Variants in PACRGL observed in about 807,000 individuals in gnomAD.
PACRGL encodes PACRG-like protein.
PACRGL carries 38 observed loss-of-function variants against 34.5 expected under a neutral mutation model. The ratio of observed to expected loss-of-function variants is 1.10; its 90% CI spans 0.85 to 1.44. The LOEUF (loss-of-function observed/expected upper bound fraction) is 1.44. Ranked by LOEUF, PACRGL falls within the 40% of genes most tolerant of loss-of-function variation. PACRGL has a pLI of 0.00. For missense variants in PACRGL, 305 were observed against 281.4 expected (o/e 1.08, Z -0.60); for synonymous variants, 128 against 100.1 (o/e 1.28, Z -1.66).
At chr4:20,755,793 T>G (rs1754366834), downstream of PACRGL, among the ~76,000 whole-genome samples, 1 of 151,980 alleles carries the variant, frequency 6.6e-6, no homozygotes, top group African/African-American at 2.4e-5. Context: ...AGAAGATAAT[T>G]TCAGGCAGAG....
chr4:20,728,895 G>GCAA lies in PACRGL; in HGVS notation c.*1556_*1558dup. Reference sequence around the variant, plus strand: ...CGATGTGTGTGGCTTTAGTAATGTGGCAACTTTACAGTTTTGGCTAAGATG... The same window carrying GCAA: ...CGATGTGTGTGGCTTTAGTAATGTGGCAACAACTTTACAGTTTTGGCTAAGATG... On this transcript the variant is annotated 3_prime_UTR_variant, in exon 9 of 9. Coordinates refer to ENST00000503585, the MANE Select transcript of PACRGL (RefSeq NM_001258345.3). The GCAA allele has an allele frequency of 6.6e-6, 1 of 151,036 alleles. No homozygotes were observed. Among genetic ancestry groups the GCAA allele is most frequent in the East Asian group, 1.9e-4 (1 of 5,160 alleles). The allele number at this position is 151,036 out of a possible 1,614,324, so 9.4% of individuals were successfully genotyped here.
chr4:20,698,153 C>A (rs1028400306), upstream of PACRGL, among the ~76,000 whole-genome samples: 3 of 152,004 alleles, frequency 2.0e-5, no homozygotes, highest in Non-Finnish European at 4.4e-5. Flanking sequence ...GGCACTGGAG[C>A]CTGGGTGATA....
chr4:20,753,577 T>G (rs536000606), downstream of PACRGL, among the ~76,000 whole-genome samples: 16 of 152,306 alleles, frequency 1.1e-4, no homozygotes, highest in Admixed American at 2.6e-4. Flanking sequence ...TATTTCTTTT[T>G]CCTTTCCCAC....
At chr4:20,717,450 G>T (rs1424788499) in intron 7 of PACRGL, among the ~76,000 whole-genome samples, 1 of 152,000 alleles carries the variant, frequency 6.6e-6, no homozygotes, top group Admixed American at 6.6e-5. Flanking sequence ...TTTCTTTTAG[G>T]GTTTTTATGG....
In PACRGL at chr4:20,704,767, C is replaced by A. The variant is rs1418657432; in HGVS notation, c.160C>A (p.Leu54Ile). ...CAGTTCTCCAGAGTCTGCAAGAAAA[C>A]TTCATCCTAGACCAAGTGATAAACT... is the stretch of plus-strand genomic sequence containing the variant. ...STSSPESARK[L>I]HPRPSDKLNP... Residue 54 changes from leucine (L) to isoleucine (I), a missense_variant, in exon 3 of 9, where the codon CTT (leucine) becomes ATT (isoleucine). Leu to Ile is a conservative substitution (Grantham distance 5, BLOSUM62 2). Coordinates refer to ENST00000503585, the MANE Select transcript of PACRGL (RefSeq NM_001258345.3). 6.2e-7 allele frequency: 1 copy of A among 1,614,002 alleles called. No homozygotes were observed. Among genetic ancestry groups the A allele is most frequent in the Non-Finnish European group, 8.5e-7 (1 of 1,179,986 alleles).
intron 7 of PACRGL, among the ~76,000 whole-genome samples, chr4:20,715,527 T>G (rs1193947228): frequency 6.6e-6 from 1 of 152,140 alleles, no homozygotes; most frequent in Non-Finnish European, 1.5e-5. Context: ...TATTACTATT[T>G]TTTTTAAATG....
rs745876938 is a variant in PACRGL at position 20,727,367 on chromosome 4, T to C, written c.*26T>C. 4.5e-6 allele frequency: 7 copies of C among 1,568,608 alleles called. No individual in the cohort carries two copies. In the South Asian group the frequency reaches 6.7e-5, roughly 15 times the overall value. Reference sequence around the variant, plus strand: ...AGAAGGGAGCCAACAAAAATTGTTTTTTCTACCTGTTGACGTGTCAAGCAC... The same window carrying C: ...AGAAGGGAGCCAACAAAAATTGTTTCTTCTACCTGTTGACGTGTCAAGCAC... On this transcript the variant is annotated 3_prime_UTR_variant, in exon 9 of 9. Coordinates refer to ENST00000503585, the MANE Select transcript of PACRGL (RefSeq NM_001258345.3).
At chr4:20,755,820 A>C (rs756123145), downstream of PACRGL, among the ~76,000 whole-genome samples, 9 of 152,252 alleles carry the variant, frequency 5.9e-5, no homozygotes, top group Non-Finnish European at 8.8e-5. Flanking sequence ...GCAGGTTCAA[A>C]GGCCCAGGAG....
downstream of PACRGL, among the ~76,000 whole-genome samples, chr4:20,735,518 GTTTTTTTTTTTGTTT>G (rs1179184051): frequency 6.9e-5 from 9 of 130,812 alleles, no homozygotes; most frequent in African/African-American, 2.3e-4. Context: ...TTCATTTAGT[GTTTTTTTTTTTGTTT>G]TTTTTTTTTT....
At chr4:20,713,395 T>G in intron 6 of PACRGL, 37 bp from the exon 7 acceptor site, 6 of 1,497,458 alleles carry the variant, frequency 4.0e-6, no homozygotes, top group Non-Finnish European at 5.6e-6. Flanking sequence ...CTCTCTTCCC[T>G]GATGTCCATA....
downstream of PACRGL, among the ~76,000 whole-genome samples, chr4:20,756,295 C>T (rs746432466): frequency 6.6e-6 from 1 of 151,994 alleles, no homozygotes; most frequent in Non-Finnish European, 1.5e-5. Context: ...TAGATGGTTC[C>T]CTCTTGTCTT....
chr4:20,764,963 C>T, the PACRGL span, among the ~76,000 whole-genome samples: 1 of 152,120 alleles, frequency 6.6e-6, no homozygotes, highest in Non-Finnish European at 1.5e-5. Flanking sequence ...CTTTCATCAA[C>T]CCTGAAAGGT....
chr4:20,753,231 T>G (rs1753949885), downstream of PACRGL, among the ~76,000 whole-genome samples: 1 of 152,128 alleles, frequency 6.6e-6, no homozygotes, highest in South Asian at 2.1e-4. Flanking sequence ...CCTAGTTAGT[T>G]CATGGTAAAG....
At chr4:20,703,416 G>C (rs1241646246) in intron 1 of PACRGL, among the ~76,000 whole-genome samples, 1 of 151,890 alleles carries the variant, frequency 6.6e-6, no homozygotes, top group African/African-American at 2.4e-5. Context: ...ATGAGGAAAG[G>C]CTTCATGGAA....
intron 7 of PACRGL, among the ~76,000 whole-genome samples, chr4:20,722,061 G>A (rs1322986306): frequency 6.6e-6 from 1 of 152,238 alleles, no homozygotes; most frequent in East Asian, 1.9e-4. Context: ...CCGCCTTGCA[G>A]TTCTATCCCA....
downstream of PACRGL, among the ~76,000 whole-genome samples, chr4:20,733,188 A>AG (rs1413921001): frequency 1.3e-5 from 2 of 152,190 alleles, no homozygotes; most frequent in African/African-American, 4.8e-5. Context: ...TCGTATATTG[A>AG]GAAAAAACAC....
chr4:20,754,323 CAA>C (rs2149350599), downstream of PACRGL, among the ~76,000 whole-genome samples: 2 of 152,236 alleles, frequency 1.3e-5, no homozygotes, highest in Admixed American at 1.3e-4. Context: ...GTAGATAAGA[CAA>C]AGCACTTTCC....
At chr4:20,761,008 C>G in the PACRGL span, among the ~76,000 whole-genome samples, 3 of 152,144 alleles carry the variant, frequency 2.0e-5, no homozygotes, top group Non-Finnish European at 4.4e-5. Context: ...CTATTACTTT[C>G]AATACATTTA....
At chr4:20,716,922 A>T (rs974904283) in intron 7 of PACRGL, among the ~76,000 whole-genome samples, 1 of 152,232 alleles carries the variant, frequency 6.6e-6, no homozygotes, top group African/African-American at 2.4e-5. Flanking sequence ...GTCTTACACA[A>T]TGGTTGAACT....
Sources: allele counts gnomAD v4.1 joint callset (sites outside exome capture counted in the v4.1 genomes callset), GRCh38; gene constraint gnomAD v4.1.1; transcripts MANE v1.5; gene names NCBI Gene and HGNC (gene_info 2026-07-23, HGNC 2026-07-21).